The following ANK3 variants were observed in gnomAD, a reference collection of about 807,000 sequenced individuals.
ANK3 encodes the protein ankyrin 3, also known as ankyrin-3.
Under a neutral mutation model 370.9 loss-of-function variants are expected in ANK3, and 57 were observed. That is an observed-to-expected ratio of 0.15 (90% CI 0.12 to 0.19). The LOEUF (loss-of-function observed/expected upper bound fraction) is 0.19. Among genes scored for constraint, ANK3 ranks in the 10% least tolerant of loss-of-function variants. The pLI, the probability that ANK3 is intolerant of heterozygous loss-of-function variation, is 1.00. For synonymous variants in ANK3, 1,929 were observed against 1,946.3 expected, an observed-to-expected ratio of 0.99 and a Z score of 0.23; for missense variants, 4,439 against 5,302.1, an observed-to-expected ratio of 0.84 and a Z score of 5.06.
intron 2 of ANK3, among the ~76,000 whole-genome samples, chr10:60,510,881 A>G (rs1383868855): frequency 6.6e-6 from 1 of 152,150 alleles, no homozygotes; most frequent in African/African-American, 2.4e-5. Context: ...GTGAAAGCCC[A>G]CATGGGTCTC....
intron 25 of ANK3, among the ~76,000 whole-genome samples, chr10:60,121,263 A>G (rs1335885478): frequency 2.0e-5 from 3 of 152,134 alleles, no homozygotes; most frequent in Admixed American, 2.0e-4. Flanking sequence ...TGAAAGCTAA[A>G]AATTAAAATA....
At chr10:60,304,680 A>G (rs1273034607) in intron 1 of ANK3, among the ~76,000 whole-genome samples, 1 of 152,166 alleles carries the variant, frequency 6.6e-6, no homozygotes, top group Non-Finnish European at 1.5e-5. Flanking sequence ...CTTTAAATAT[A>G]TACAATTTTT....
intron 35 of ANK3, 31 bp from the exon 36 acceptor site, chr10:60,080,649 T>C: frequency 1.3e-6 from 2 of 1,512,074 alleles, no homozygotes; most frequent in Non-Finnish European, 1.8e-6. Flanking sequence ...GACAACTCTA[T>C]TTCCAACTTC....
intron 1 of ANK3, among the ~76,000 whole-genome samples, chr10:60,697,233 A>G (rs2133412303): frequency 6.7e-6 from 1 of 149,920 alleles, no homozygotes; most frequent in Middle Eastern, 3.6e-3. Context: ...ACTACAAACC[A>G]CTGCTCAAGG....
chr10:60,564,907 C>T (rs2077422144), intron 2 of ANK3, among the ~76,000 whole-genome samples: 2 of 152,082 alleles, frequency 1.3e-5, no homozygotes, highest in Admixed American at 6.6e-5. Flanking sequence ...AAAAAATAAG[C>T]AAACTCACTG....
intron 1 of ANK3, among the ~76,000 whole-genome samples, chr10:60,638,538 G>GA (rs894083247): frequency 6.0e-5 from 9 of 150,306 alleles, no homozygotes; most frequent in East Asian, 2.0e-4. Flanking sequence ...CAAAGAAGCA[G>GA]AAAAAAAAAT....
At chr10:60,433,311 C>A (rs554383567) in intron 2 of ANK3, among the ~76,000 whole-genome samples, 182 of 152,206 alleles carry the variant, frequency 1.2e-3, no homozygotes, top group African/African-American at 4.2e-3. Context: ...TTGGTAAGAA[C>A]TTGTCATGCT....
At chr10:60,725,750 T>A (rs1444521477) in intron 1 of ANK3, among the ~76,000 whole-genome samples, 1 of 152,098 alleles carries the variant, frequency 6.6e-6, no homozygotes, top group Non-Finnish European at 1.5e-5. Flanking sequence ...AAGCAATTAG[T>A]GTTATTTTTG....
At chr10:60,418,753 T>C (rs943611323) in intron 2 of ANK3, among the ~76,000 whole-genome samples, 6 of 152,020 alleles carry the variant, frequency 3.9e-5, no homozygotes, top group African/African-American at 1.4e-4. Context: ...AATTCAATTT[T>C]AACTGGGCAT....
rs931431710 is a variant in ANK3, at chr10:60,465,298, G to C, written c.96+149888C>G. On this transcript the variant is annotated intron_variant, in intron 2 of 43. Coordinates refer to the ANK3 transcript ENST00000373827. ...AAAAGAAAGAACAGAAAATAAAAGAGAGAGAAGTTCTTCATTTACTACTGA... is the reference window on the plus strand; with the variant it reads ...AAAAGAAAGAACAGAAAATAAAAGACAGAGAAGTTCTTCATTTACTACTGA... Among the ~76,000 whole-genome samples, 16 of 151,908 alleles carry C rather than the reference G, an allele frequency of 1.1e-4. No homozygotes were observed. In the South Asian group the frequency reaches 1.2e-3, roughly 12 times the overall value.
intron 2 of ANK3, among the ~76,000 whole-genome samples, chr10:60,471,643 G>T (rs1224550133): frequency 1.3e-5 from 2 of 152,020 alleles, no homozygotes; most frequent in East Asian, 3.8e-4. Flanking sequence ...TATATACCTT[G>T]TGACAATTGA....
chr10:60,150,148 T>C (rs2095039835), intron 23 of ANK3, among the ~76,000 whole-genome samples: 1 of 152,168 alleles, frequency 6.6e-6, no homozygotes, highest in Non-Finnish European at 1.5e-5. Flanking sequence ...CTTCTTCCTC[T>C]TATGTGTGCC....
intron 28 of ANK3, among the ~76,000 whole-genome samples, chr10:60,092,679 T>G (rs1213946419): frequency 6.6e-6 from 1 of 152,236 alleles, no homozygotes; most frequent in Non-Finnish European, 1.5e-5. Flanking sequence ...TTCTTCTCTG[T>G]AAACCTAAAC....
intron 2 of ANK3, among the ~76,000 whole-genome samples, chr10:60,425,814 AG>A (rs777050419): frequency 7.2e-5 from 11 of 152,126 alleles, no homozygotes; most frequent in Non-Finnish European, 1.3e-4. Context: ...GAGATAACCA[AG>A]GGGTAAGAAG....
intron 42 of ANK3, 135 bp from the exon 43 acceptor site, chr10:60,042,894 T>C: frequency 6.7e-7 from 1 of 1,500,452 alleles, no homozygotes; most frequent in Non-Finnish European, 8.9e-7. Context: ...TGTCCAAAAA[T>C]ACGTACAATC....
rs568648374 is a variant in ANK3, at chr10:60,065,227, T to A, written c.12320-939A>T. 5.3e-5 allele frequency among the ~76,000 whole-genome samples: 8 copies of A among 152,354 alleles called. No homozygotes were observed. The South Asian group carries it at 6.2e-4, about 12-fold the overall frequency. ...TATACTCATATTCAATCTTGTAAATTGCAGAGTGTCTTTGGAAAGATACAT... is the reference window on the plus strand; with the variant it reads ...TATACTCATATTCAATCTTGTAAATAGCAGAGTGTCTTTGGAAAGATACAT... On this transcript the variant is annotated intron_variant, in intron 38 of 43. Coordinates refer to ENST00000280772, the MANE Select transcript of ANK3 (RefSeq NM_020987.5).
At chr10:60,099,432 A>G (rs575440270) in intron 28 of ANK3, among the ~76,000 whole-genome samples, 64 of 152,286 alleles carry the variant, frequency 4.2e-4, no homozygotes, top group African/African-American at 1.5e-3. Context: ...TCAAAGTTCA[A>G]AGTTGCAGTT....
At chr10:60,647,125 G>A (rs139732993) in intron 1 of ANK3, among the ~76,000 whole-genome samples, 8 of 152,210 alleles carry the variant, frequency 5.3e-5, no homozygotes, top group Non-Finnish European at 7.4e-5. Flanking sequence ...TTATGTGCCC[G>A]GCACTGTGCT....
At chr10:60,041,815 T>C (rs924642855) in intron 43 of ANK3, among the ~76,000 whole-genome samples, 1 of 152,226 alleles carries the variant, frequency 6.6e-6, no homozygotes, top group East Asian at 1.9e-4. Context: ...GAAACTAGAT[T>C]ACTTCCCAGT....
Sources: gnomAD v4.1 joint callset for allele counts (sites outside exome capture counted in the v4.1 genomes callset) on GRCh38, gnomAD v4.1.1 for gene constraint, MANE v1.5 for transcripts, NCBI Gene and HGNC (gene_info 2026-07-23, HGNC 2026-07-21) for gene names.